The following FZD3 variants were observed in gnomAD, a reference collection of about 807,000 sequenced individuals.
The protein encoded by FZD3 is frizzled-3.
FZD3 carries 30 observed loss-of-function variants against 60.7 expected under a neutral mutation model. The ratio of observed to expected loss-of-function variants is 0.49; its 90% CI spans 0.37 to 0.67. The LOEUF (loss-of-function observed/expected upper bound fraction) is 0.67. FZD3 is among the 30% of genes least tolerant of loss of function. FZD3 has a pLI of 0.00. For synonymous variants in FZD3, 246 were observed against 275.2 expected (o/e 0.89, Z 1.05); for missense variants, 605 against 838.7 (o/e 0.72, Z 3.44).
At chr8:28,516,742 A>G (rs1260451917) in intron 3 of FZD3, among the ~76,000 whole-genome samples, 2 of 151,930 alleles carry the variant, frequency 1.3e-5, no homozygotes, top group Non-Finnish European at 2.9e-5. Context: ...ATTTGATTTT[A>G]ATTTGTTCAA....
intron 6 of FZD3, among the ~76,000 whole-genome samples, chr8:28,554,426 T>C (rs747576340): frequency 2.4e-4 from 37 of 152,320 alleles, no homozygotes; most frequent in Middle Eastern, 3.4e-3. Context: ...CTTGTTCTTT[T>C]TTCTGTCATG....
chr8:28,514,603 A>G lies in FZD3; in HGVS notation c.190-6035A>G, dbSNP rs2130326032. On this transcript the variant is annotated intron_variant, in intron 3 of 7. Transcript: ENST00000240093. ...TTTCTTTCATTATGGATTAGTTTCC[A>G]TTTTCTAGAGTTTTGTATAAATAGA... 2.6e-5 allele frequency among the ~76,000 whole-genome samples: 4 copies of G among 152,130 alleles called. No individual in the cohort carries two copies. The South Asian group carries it at 8.3e-4, about 32-fold the overall frequency.
Position 28,562,925 on chromosome 8 carries a change from A to G in FZD3, c.1915A>G (p.Arg639Gly). The stretch of plus-strand genomic sequence containing the variant: ...TGAACAGTCACGACATAGCAGCATC[A>G]GAGATCTCAGTAATAATCCCATGAC... ...LNEQSRHSSI[R>G]DLSNNPMTHI... The change falls in exon 8 of 8, where the codon AGA (arginine) becomes GGA (glycine). Residue 639 changes from arginine to glycine, a missense_variant. Coordinates refer to ENST00000240093, the MANE Select transcript of FZD3 (RefSeq NM_017412.4). 2 of 1,612,928 alleles carry G rather than the reference A, an allele frequency of 1.2e-6. No individual in the cohort carries two copies. Among genetic ancestry groups the G allele is most frequent in the Non-Finnish European group, 1.7e-6 (2 of 1,178,878 alleles).
rs143680202 is a variant in FZD3 at position 28,552,607 on chromosome 8, T to C, written c.1553+856T>C. The stretch of plus-strand genomic sequence containing the variant: ...CTAGGATCCATGGAAGAATGATTTT[T>C]TTGTGGGTAGTCTGTAAATATTTTA... On this transcript the variant is annotated intron_variant, in intron 6 of 7. Transcript: ENST00000240093. 9.0e-3 allele frequency among the ~76,000 whole-genome samples: 1,376 copies of C among 152,308 alleles called. 8 individuals carry two copies. Among genetic ancestry groups the C allele is most frequent in the African/African-American group, 0.02 (820 of 41,570 alleles).
intron 3 of FZD3, among the ~76,000 whole-genome samples, chr8:28,516,762 C>T (rs189509675): frequency 1.3e-5 from 2 of 151,916 alleles, no homozygotes; most frequent in Admixed American, 6.5e-5. Context: ...AACTATTTTG[C>T]ATTCTTTTTT....
intron 5 of FZD3, among the ~76,000 whole-genome samples, chr8:28,532,069 G>T (rs1397686790): frequency 6.6e-6 from 1 of 152,102 alleles, no homozygotes; most frequent in Non-Finnish European, 1.5e-5. Flanking sequence ...TAAGACATGT[G>T]CTTTCTGCAT....
At chr8:28,536,604 G>A (rs928670887) in intron 5 of FZD3, among the ~76,000 whole-genome samples, 2 of 152,114 alleles carry the variant, frequency 1.3e-5, no homozygotes, top group Non-Finnish European at 2.9e-5. Flanking sequence ...AGCTACTCAG[G>A]AGGCTGAGGC....
intron 3 of FZD3, among the ~76,000 whole-genome samples, chr8:28,509,617 G>A (rs1302437668): frequency 1.3e-5 from 2 of 151,876 alleles, no homozygotes; most frequent in Non-Finnish European, 2.9e-5. Context: ...CCTAGTCCCT[G>A]GCAACTACCG....
At chr8:28,529,918 T>C (rs1804819252) in intron 5 of FZD3, among the ~76,000 whole-genome samples, 1 of 152,188 alleles carries the variant, frequency 6.6e-6, no homozygotes, top group African/African-American at 2.4e-5. Flanking sequence ...TTCTAAATTA[T>C]TATTTTAGGG....
chr8:28,494,559 CGGGGGCCCGGGCCCGCGGTGGCGGCT>C (rs1231952372), intron 1 of FZD3, among the ~76,000 whole-genome samples: 1 of 151,932 alleles, frequency 6.6e-6, no homozygotes. Flanking sequence ...GGCTGCGGAG[CGGGGGCCCGGGCCCGCGGTGGCGGCT>C]GGGGGCCTCG....
In FZD3 at chr8:28,562,900, T is replaced by A; in HGVS notation, c.1890T>A (p.Asn630Lys). The A allele has an allele frequency of 1.2e-6, 2 of 1,613,162 alleles. No homozygotes were observed. Among genetic ancestry groups the A allele is most frequent in the Non-Finnish European group, 1.7e-6 (2 of 1,179,146 alleles). ...HSRHSSSHRL[N>K]EQSRHSSIRD... ...GGCATAGTAGTTCTCATCGGCTCAATGAACAGTCACGACATAGCAGCATCA... is the reference window on the plus strand; with the variant it reads ...GGCATAGTAGTTCTCATCGGCTCAAAGAACAGTCACGACATAGCAGCATCA... The change falls in exon 8 of 8, where the codon AAT (asparagine) becomes AAA (lysine). Residue 630 changes from asparagine to lysine, a missense_variant. Coordinates refer to ENST00000240093, the MANE Select transcript of FZD3 (RefSeq NM_017412.4).
chr8:28,548,835 T>G (rs1043926850), intron 5 of FZD3, among the ~76,000 whole-genome samples: 17 of 152,236 alleles, frequency 1.1e-4, no homozygotes, highest in Non-Finnish European at 2.1e-4. Flanking sequence ...TGCATTCTTA[T>G]GATAAATTAT....
intron 5 of FZD3, among the ~76,000 whole-genome samples, chr8:28,546,666 T>C (rs1805300290): frequency 6.6e-6 from 1 of 152,174 alleles, no homozygotes; most frequent in Non-Finnish European, 1.5e-5. Flanking sequence ...CTGGGATTTT[T>C]TATTCTTAGA....
At chr8:28,530,485 G>A in intron 5 of FZD3, 1 of 152,156 alleles carries the variant, frequency 6.6e-6, no homozygotes, top group East Asian at 1.9e-4. Flanking sequence ...GGCCTGGTTA[G>A]TACTTGGATG....
intron 4 of FZD3, among the ~76,000 whole-genome samples, chr8:28,523,167 A>G (rs1804629808): frequency 6.6e-6 from 1 of 152,180 alleles, no homozygotes; most frequent in African/African-American, 2.4e-5. Flanking sequence ...TGCTGCTATA[A>G]CAAAATACCA....
chr8:28,500,785 G>A (rs1803969798), intron 2 of FZD3, among the ~76,000 whole-genome samples: 1 of 151,608 alleles, frequency 6.6e-6, no homozygotes, highest in Admixed American at 6.6e-5. Context: ...TTCTGATGGA[G>A]TTTCGCTCTT....
intron 1 of FZD3, among the ~76,000 whole-genome samples, chr8:28,494,843 C>T (rs570328012): frequency 6.6e-6 from 1 of 152,114 alleles, no homozygotes; most frequent in East Asian, 1.9e-4. Flanking sequence ...CTCCCGGCCG[C>T]CCGAAGCGCG....
intron 5 of FZD3, among the ~76,000 whole-genome samples, chr8:28,533,032 C>A (rs1400160128): frequency 6.6e-6 from 1 of 151,972 alleles, no homozygotes; most frequent in Non-Finnish European, 1.5e-5. Flanking sequence ...TCTTTTATTT[C>A]TTCTTGAGGC....
chr8:28,497,154 C>G (rs183602414), intron 1 of FZD3, among the ~76,000 whole-genome samples: 3 of 152,294 alleles, frequency 2.0e-5, no homozygotes, highest in African/African-American at 4.8e-5. Flanking sequence ...TACTTTTCCT[C>G]TGTGTGTGTG....
Sources: allele counts gnomAD v4.1 joint callset (sites outside exome capture counted in the v4.1 genomes callset), GRCh38; gene constraint gnomAD v4.1.1; transcripts MANE v1.5; gene names NCBI Gene and HGNC (gene_info 2026-07-23, HGNC 2026-07-21).